Variants in IQSEC3 observed in about 807,000 individuals in gnomAD.
The protein encoded by IQSEC3 is IQ motif and SEC7 domain-containing protein 3.
A neutral mutation model predicts 105.4 loss-of-function variants in IQSEC3; 50 were observed. The ratio of observed to expected loss-of-function variants is 0.47; its 90% CI spans 0.38 to 0.60. The LOEUF is 0.60. Among genes scored for constraint, IQSEC3 ranks in the 20% least tolerant of loss-of-function variants. The probability of loss-of-function intolerance (pLI) is 0.00; values close to 1 mark genes in which losing one functional copy is unlikely to be tolerated. For missense variants in IQSEC3, 1,415 were observed against 1,630.0 expected (o/e 0.87, Z 2.27); for synonymous variants, 708 against 746.0 (o/e 0.95, Z 0.83).
intron 12 of IQSEC3, 68 bp from the exon 13 acceptor site, chr12:171,044 G>A (rs1938961859): frequency 6.3e-7 from 1 of 1,585,590 alleles, no homozygotes; most frequent in Non-Finnish European, 8.6e-7. Flanking sequence ...TGCTTGAGGG[G>A]CACAGGGGAG....
At chr12:153,610 A>G (rs1333305727) in intron 5 of IQSEC3, among the ~76,000 whole-genome samples, 6 of 152,194 alleles carry the variant, frequency 3.9e-5, no homozygotes, top group South Asian at 2.1e-4. Context: ...GCACCTGTTC[A>G]TGAAACACAG....
In IQSEC3 at chr12:171,209, GTTC is replaced by G. The variant is rs782754307; in HGVS notation, c.3114+56_3114+58del. 280 of 1,613,926 alleles carry G rather than the reference GTTC, an allele frequency of 1.7e-4. 1 individual carries two copies. Among genetic ancestry groups the G allele is most frequent in the South Asian group, 1.7e-3 (152 of 91,080 alleles). On this transcript the variant is annotated intron_variant, in intron 13 of 13. Coordinates refer to ENST00000538872, the MANE Select transcript of IQSEC3 (RefSeq NM_001170738.2). ...AGGTGAGTGACTACCCTGCCCCCTT[GTTC>G]TTCTTCTCACCGTCTCTGTTGTTTC...
rs782343519 is a variant in IQSEC3 at position 138,967 on chromosome 12, G to C, written c.1604G>C (p.Arg535Pro). 8 of 1,549,568 alleles carry C rather than the reference G, an allele frequency of 5.2e-6. No homozygotes were observed. Among genetic ancestry groups the C allele is most frequent in the South Asian group, 1.2e-5 (1 of 85,304 alleles). Residue 535 changes from arginine (R) to proline (P), a missense_variant, in exon 4 of 14, where the codon CGG becomes CCG. Physicochemically the swap from Arg to Pro is moderately radical, Grantham distance 103. This residue lies in a region of IQSEC3 where 720 missense variants were observed against 633.0 expected (regional missense o/e 1.14). Transcript: ENST00000538872. The surrounding 1 kb of genome is among the most constrained non-coding windows in gnomAD (Gnocchi z 7.1). ...GKAEQGETSG[R>P]EAPEAPAVGR... ...GCCGAGCAGGGCGAGACCTCTGGGC[G>C]GGAGGCCCCGGAAGCCCCCGCCGTG... is the stretch of plus-strand genomic sequence containing the variant.
At chr12:98,189 A>T (rs1864298942) in intron 1 of IQSEC3, among the ~76,000 whole-genome samples, 4 of 152,196 alleles carry the variant, frequency 2.6e-5, no homozygotes, top group Admixed American at 2.6e-4. Flanking sequence ...GTGTATCTTT[A>T]TCCAAAAGTA....
At position 172,667 on chromosome 12, in the gene IQSEC3, TCTC is replaced by T. The variant is rs566080030; in HGVS notation, c.3114+1508_3114+1510del. Among the ~76,000 whole-genome samples, 81 of 152,320 alleles carry T rather than the reference TCTC, an allele frequency of 5.3e-4. No individual in the cohort carries two copies. In the East Asian group the frequency reaches 0.015, roughly 28 times the overall value. Reference sequence around the variant, plus strand: ...TGGCCAAGCCCCTCTGGCAGGTGCTTCTCCATCTTCTCTGAGCTGTTCTCTGAC... The same window carrying T: ...TGGCCAAGCCCCTCTGGCAGGTGCTTCATCTTCTCTGAGCTGTTCTCTGAC... On this transcript the variant is annotated intron_variant, in intron 13 of 13. Coordinates refer to ENST00000538872, the MANE Select transcript of IQSEC3 (RefSeq NM_001170738.2).
chr12:137,840 T>C (rs531442861), intron 3 of IQSEC3, among the ~76,000 whole-genome samples: 48 of 151,336 alleles, frequency 3.2e-4, no homozygotes, highest in Middle Eastern at 3.4e-3. Context: ...TTTTTTTTTT[T>C]CAAGAGAGAG....
At chr12:160,869 TTC>T (rs1255334812) in intron 7 of IQSEC3, among the ~76,000 whole-genome samples, 2 of 152,202 alleles carry the variant, frequency 1.3e-5, no homozygotes, top group African/African-American at 4.8e-5. Flanking sequence ...TGTGCCCCTG[TTC>T]TCTGTCTTTG....
At chr12:140,780 G>C (rs776408892) in intron 4 of IQSEC3, 2 of 247,032 alleles carry the variant, frequency 8.1e-6, no homozygotes, top group African/African-American at 4.4e-5. Context: ...CTCTCTCCAG[G>C]GTTGGGGCGT....
intron 1 of IQSEC3, among the ~76,000 whole-genome samples, chr12:85,190 C>T (rs952961337): frequency 6.6e-5 from 10 of 152,194 alleles, no homozygotes; most frequent in Non-Finnish European, 1.5e-4. Context: ...ACTGCGTGCC[C>T]ACAGCTGACG....
intron 3 of IQSEC3, among the ~76,000 whole-genome samples, chr12:136,917 G>A (rs556225267): frequency 1.5e-4 from 23 of 152,250 alleles, no homozygotes; most frequent in African/African-American, 4.8e-4. Context: ...AAGTGAGAGC[G>A]TAGCAACCTG....
rs564741466 is a variant in IQSEC3, at chr12:95,904, T to G, written c.555-3242T>G. On this transcript the variant is annotated intron_variant, in intron 1 of 13. Coordinates refer to ENST00000538872, the MANE Select transcript of IQSEC3 (RefSeq NM_001170738.2). Reference sequence around the variant, plus strand: ...TGATGAGGACTTGGGCTGTTTGCATTTCCCCCCTCCACCACCACACTAAAA... The same window carrying G: ...TGATGAGGACTTGGGCTGTTTGCATGTCCCCCCTCCACCACCACACTAAAA... Among the ~76,000 whole-genome samples, 243 of 152,310 alleles carry G rather than the reference T, an allele frequency of 1.6e-3. 1 individual carries two copies. The South Asian group carries it at 0.02, about 13-fold the overall frequency.
intron 13 of IQSEC3, among the ~76,000 whole-genome samples, chr12:172,727 A>G (rs1939072647): frequency 6.6e-6 from 1 of 151,110 alleles, no homozygotes. Flanking sequence ...CTGTCTCCCC[A>G]CTCCCCTCAT....
intron 5 of IQSEC3, among the ~76,000 whole-genome samples, chr12:145,663 C>T (rs559689638): frequency 2.8e-4 from 42 of 152,334 alleles, no homozygotes; most frequent in South Asian, 1.4e-3. Flanking sequence ...GAGAGTCACG[C>T]GGTGGCAGGC....
chr12:173,892 C>T (rs779773159), intron 13 of IQSEC3, among the ~76,000 whole-genome samples: 3 of 152,212 alleles, frequency 2.0e-5, no homozygotes, highest in African/African-American at 4.8e-5. Flanking sequence ...CCTCCTGCCC[C>T]GCCTTGGGGA....
intron 9 of IQSEC3, among the ~76,000 whole-genome samples, chr12:164,291 T>C (rs1867066303): frequency 6.6e-6 from 1 of 152,066 alleles, no homozygotes; most frequent in Non-Finnish European, 1.5e-5. Context: ...ACTACTACAG[T>C]CTTAGTGCAC....
At chr12:81,394 G>A (rs950903404) in intron 1 of IQSEC3, among the ~76,000 whole-genome samples, 3 of 152,208 alleles carry the variant, frequency 2.0e-5, no homozygotes, top group Non-Finnish European at 4.4e-5. Context: ...GGGAAGAAAG[G>A]CAGAAGCAGG....
Position 74,766 on chromosome 12 carries a change from G to A in IQSEC3, c.554+7330G>A, listed in dbSNP as rs567500909. 1.1e-4 allele frequency among the ~76,000 whole-genome samples: 17 copies of A among 152,400 alleles called. No homozygotes were observed. The South Asian group carries it at 3.1e-3, about 28-fold the overall frequency. ...ATTGGGGAGTTAACCAGATATCAGA[G>A]CTAGAAGGATTCTTTAAGGTAACCT... On this transcript the variant is annotated intron_variant, in intron 1 of 13. Transcript: ENST00000538872.
intron 2 of IQSEC3, among the ~76,000 whole-genome samples, chr12:105,907 G>C (rs1864632297): frequency 6.6e-6 from 1 of 152,206 alleles, no homozygotes; most frequent in Admixed American, 6.5e-5. Context: ...TCGCCAGAGG[G>C]TGCTTGGGAA....
At chr12:166,035 C>T in intron 11 of IQSEC3, 145 bp downstream of exon 11, 1 of 835,610 alleles carries the variant, frequency 1.2e-6, no homozygotes, top group Non-Finnish European at 1.8e-6. Context: ...ACCACACTCC[C>T]ACAGCCCGGG....
Sources: allele counts gnomAD v4.1 joint callset (sites outside exome capture counted in the v4.1 genomes callset), GRCh38; gene constraint gnomAD v4.1.1; regional missense constraint gnomAD v4.1.1; non-coding constraint Gnocchi (gnomAD v3.1); transcripts MANE v1.5; gene names NCBI Gene and HGNC (gene_info 2026-07-23, HGNC 2026-07-21).